Variants in SEC14L5 observed in about 807,000 individuals in gnomAD.
SEC14L5 encodes the protein SEC14-like protein 5.
Under a neutral mutation model 84.6 loss-of-function variants are expected in SEC14L5, and 96 were observed. The observed-to-expected ratio is 1.13, with a 90% CI of 0.96 to 1.34. The LOEUF (loss-of-function observed/expected upper bound fraction) is 1.34. SEC14L5 is among the 40% of genes most tolerant of loss of function. SEC14L5 has a pLI of 0.00. For missense variants in SEC14L5, 1,224 were observed against 942.5 expected (o/e 1.30, Z -3.91); for synonymous variants, 546 against 383.4 (o/e 1.42, Z -4.95).
intron 1 of SEC14L5, among the ~76,000 whole-genome samples, chr16:4,958,970 G>T (rs1392722443): frequency 1.3e-5 from 2 of 151,910 alleles, no homozygotes; most frequent in African/African-American, 4.8e-5. Context: ...TTGCAAATGT[G>T]TGTGTGTCTG....
At chr16:4,987,013 A>G (rs982554759) in intron 2 of SEC14L5, among the ~76,000 whole-genome samples, 2 of 152,056 alleles carry the variant, frequency 1.3e-5, no homozygotes, top group East Asian at 1.9e-4. Context: ...TTCCAACTGG[A>G]TGGCTTTTAT....
At chr16:4,989,123 T>A (rs887969308) in intron 4 of SEC14L5, among the ~76,000 whole-genome samples, 1 of 152,216 alleles carries the variant, frequency 6.6e-6, no homozygotes, top group Non-Finnish European at 1.5e-5. Flanking sequence ...CTTTAGAGGC[T>A]GGAATGAGGC....
At chr16:4,984,434 A>G (rs1489668012) in intron 2 of SEC14L5, among the ~76,000 whole-genome samples, 1 of 152,168 alleles carries the variant, frequency 6.6e-6, no homozygotes, top group African/African-American at 2.4e-5. Flanking sequence ...TTATTCCCTC[A>G]TCCGTTGATG....
chr16:4,983,877 CAAATAAAT>C (rs71139670), intron 2 of SEC14L5, among the ~76,000 whole-genome samples: 9,228 of 144,090 alleles, frequency 0.064, 948 homozygotes, highest in African/African-American at 0.21. Flanking sequence ...AACTCTGTCT[CAAATAAAT>C]AAATAAATAA....
chr16:5,006,138 G>C, intron 12 of SEC14L5, 90 bp downstream of exon 12: 1 of 1,396,556 alleles, frequency 7.2e-7, no homozygotes, highest in Non-Finnish European at 1.0e-6. Context: ...GGGCTGGGAG[G>C]TGGAGGGGGG....
At chr16:4,971,103 A>AAT (rs1955272749) in intron 2 of SEC14L5, among the ~76,000 whole-genome samples, 1 of 150,020 alleles carries the variant, frequency 6.7e-6, no homozygotes, top group Non-Finnish European at 1.5e-5. Flanking sequence ...AAAAAAAAAA[A>AAT]AAAAAAGAAC....
At position 5,008,406 on chromosome 16, in the gene SEC14L5, C is replaced by T. The variant is rs759985587; in HGVS notation, c.1573-15C>T. The T allele has an allele frequency of 1.8e-5, 28 of 1,591,728 alleles. No homozygotes were observed. The South Asian group carries it at 2.9e-4, about 16-fold the overall frequency. ...TCTCGGCCGTGACTCTCAGACCTCG[C>T]CTGTCTCCACACAGGTGGCCGTGGA... On this transcript the variant is annotated splice_polypyrimidine_tract_variant and intron_variant, in intron 13 of 15. Transcript: ENST00000251170.
chr16:5,001,290 G>C (rs554405190), intron 10 of SEC14L5, among the ~76,000 whole-genome samples: 1 of 139,470 alleles, frequency 7.2e-6, no homozygotes, highest in African/African-American at 2.7e-5. Context: ...ACGGAGTCTC[G>C]CTCTGTCGCC....
chr16:4,992,610 C>T lies in SEC14L5; in HGVS notation c.667+580C>T, dbSNP rs74561281. Among the ~76,000 whole-genome samples, 1,322 of 152,330 alleles carry T rather than the reference C, an allele frequency of 8.7e-3. 22 individuals are homozygous for T. The highest frequency in any genetic ancestry group is 0.03 in the African/African-American group (1,256 of 41,564). ...TCTGGTGCCTTGACATTGCCTCTTTCTCTGGTTTTACTATTTACTAACTTA... is the reference window on the plus strand; with the variant it reads ...TCTGGTGCCTTGACATTGCCTCTTTTTCTGGTTTTACTATTTACTAACTTA... On this transcript the variant is annotated intron_variant, in intron 6 of 15. Coordinates refer to ENST00000251170, the MANE Select transcript of SEC14L5 (RefSeq NM_014692.2).
chr16:4,980,305 CAT>C lies in SEC14L5; in HGVS notation c.64-7251_64-7250del, dbSNP rs1955405916. 2.0e-5 allele frequency among the ~76,000 whole-genome samples: 3 copies of C among 152,360 alleles called. 1 individual carries two copies. Among genetic ancestry groups the C allele is most frequent in the South Asian group, 4.1e-4 (2 of 4,824 alleles). On this transcript the variant is annotated intron_variant, in intron 2 of 15. Coordinates refer to ENST00000251170, the MANE Select transcript of SEC14L5 (RefSeq NM_014692.2). Reference sequence around the variant, plus strand: ...CCTCAGCTCGAATGTCCCCCCGAAACATGTGGCTCTGTCACTGGATACTGGGA... The same window carrying C: ...CCTCAGCTCGAATGTCCCCCCGAAACGTGGCTCTGTCACTGGATACTGGGA...
chr16:4,972,713 A>G (rs184386923), intron 2 of SEC14L5, among the ~76,000 whole-genome samples: 202 of 152,180 alleles, frequency 1.3e-3, no homozygotes, highest in African/African-American at 4.6e-3. Context: ...TGACTCCATC[A>G]CCTTTCATTT....
chr16:4,998,049 G>T (rs1488419951), intron 8 of SEC14L5, among the ~76,000 whole-genome samples: 1 of 145,724 alleles, frequency 6.9e-6, no homozygotes, highest in African/African-American at 2.6e-5. Flanking sequence ...TGTCACCCAG[G>T]CTGGAGTGCA....
At chr16:4,997,291 G>C (rs991313827) in intron 8 of SEC14L5, among the ~76,000 whole-genome samples, 1 of 152,178 alleles carries the variant, frequency 6.6e-6, no homozygotes, top group Non-Finnish European at 1.5e-5. Context: ...GTAGAGATGA[G>C]GTTTTGCCAT....
At chr16:5,013,731 A>G (rs1208949534) in intron 15 of SEC14L5, among the ~76,000 whole-genome samples, 6 of 151,378 alleles carry the variant, frequency 4.0e-5, no homozygotes, top group African/African-American at 7.3e-5. Context: ...GCTAATTTTT[A>G]TATTTTTAGT....
chr16:4,984,093 G>T (rs757581988), intron 2 of SEC14L5, among the ~76,000 whole-genome samples: 1 of 152,050 alleles, frequency 6.6e-6, no homozygotes, highest in African/African-American at 2.4e-5. Flanking sequence ...TCATAATATT[G>T]TGCAAGCTTC....
intron 2 of SEC14L5, among the ~76,000 whole-genome samples, chr16:4,976,033 A>G (rs1374027292): frequency 6.6e-5 from 10 of 152,182 alleles, no homozygotes; most frequent in African/African-American, 2.4e-4. Context: ...GGGAGGAGGG[A>G]TCATCTGTCA....
intron 2 of SEC14L5, 73 bp from the exon 3 acceptor site, chr16:4,987,484 A>G (rs949495840): frequency 7.8e-7 from 1 of 1,281,150 alleles, no homozygotes; most frequent in Non-Finnish European, 1.1e-6. Flanking sequence ...CACAGCAGAT[A>G]AGGAGGTCGC....
intron 6 of SEC14L5, among the ~76,000 whole-genome samples, chr16:4,995,688 G>A (rs1955601357): frequency 6.8e-6 from 1 of 148,096 alleles, no homozygotes; most frequent in Admixed American, 6.8e-5. Flanking sequence ...GTGCAGTGGT[G>A]CAATCTTGGC....
Position 4,992,132 on chromosome 16 carries a change from C to A in SEC14L5, c.667+102C>A, listed in dbSNP as rs529556702. 44 of 807,268 alleles carry A rather than the reference C, an allele frequency of 5.5e-5. No homozygotes were observed. The East Asian group carries it at 8.6e-4, about 16-fold the overall frequency. 50.0% of individuals were successfully genotyped at this position (807,268 alleles called of 1,614,324 possible). A position where few individuals can be genotyped will look rare whatever the true frequency, so the allele number is the denominator to read the frequency against. On this transcript the variant is annotated intron_variant, in intron 6 of 15. Transcript: ENST00000251170. ...ATGTTGGGGAGAATTGCCTGCCGTC[C>A]CCCCTGGGAATGGGTCTGGGTCTTG...
Sources: gnomAD v4.1 joint callset for allele counts (sites outside exome capture counted in the v4.1 genomes callset) on GRCh38, gnomAD v4.1.1 for gene constraint, MANE v1.5 for transcripts, NCBI Gene and HGNC (gene_info 2026-07-23, HGNC 2026-07-21) for gene names.